Variants in ABCC2 observed in about 807,000 individuals in gnomAD.
The protein encoded by ABCC2 is ATP-binding cassette sub-family C member 2.
Under a neutral mutation model 173.4 loss-of-function variants are expected in ABCC2, and 157 were observed. That is an observed-to-expected ratio of 0.91 (90% CI 0.80 to 1.03). The LOEUF (loss-of-function observed/expected upper bound fraction) is 1.03. Among genes scored for constraint, ABCC2 ranks in the 50% least tolerant of loss-of-function variants. The pLI is 0.00. For missense variants in ABCC2, 1,822 were observed against 1,852.3 expected, an observed-to-expected ratio of 0.98 and a Z score of 0.30; for synonymous variants, 657 against 693.5, an observed-to-expected ratio of 0.95 and a Z score of 0.83.
intron 16 of ABCC2, among the ~76,000 whole-genome samples, chr10:99,816,605 GCTT>G (rs2038419370): frequency 6.6e-6 from 1 of 152,126 alleles, no homozygotes; most frequent in Non-Finnish European, 1.5e-5. Flanking sequence ...TTATAATCTT[GCTT>G]CTTAAGATGT....
intron 13 of ABCC2, among the ~76,000 whole-genome samples, 172 bp from the exon 14 acceptor site, chr10:99,809,962 C>T (rs1261758134): frequency 6.6e-6 from 1 of 152,230 alleles, no homozygotes; most frequent in Admixed American, 6.5e-5. Context: ...TGAAATAGAG[C>T]ATCCACTTCC....
chr10:99,809,978 TC>T (rs767189772), intron 13 of ABCC2, among the ~76,000 whole-genome samples, 155 bp from the exon 14 acceptor site: 5 of 152,224 alleles, frequency 3.3e-5, no homozygotes, highest in Non-Finnish European at 7.3e-5. Flanking sequence ...CTTCCATCTG[TC>T]TATGGTGGGA....
Position 99,805,375 on chromosome 10 carries a change from C to T in ABCC2, c.1465-7C>T, listed in dbSNP as rs765417070. 9 of 1,613,270 alleles carry T rather than the reference C, an allele frequency of 5.6e-6. No individual in the cohort carries two copies. The highest frequency in any genetic ancestry group is 7.6e-6 in the Non-Finnish European group (9 of 1,179,492). ...ATATTGTTTTTCTTTTGCTTTTTTC[C>T]TGGCAGGTCAAAAATATGAAGAATA... On this transcript the variant is annotated splice_polypyrimidine_tract_variant and splice_region_variant and intron_variant, in intron 10 of 31. Transcript: ENST00000647814.
chr10:99,836,198 T>C lies in ABCC2; in HGVS notation c.3522T>C (p.Arg1174=). Residue 1174 remains arginine, a synonymous_variant, in exon 25 of 32, where the codon CGT becomes CGC. Transcript: ENST00000647814. ...SETVSGLPVI[R]AFEHQQRFLK... Reference sequence around the variant, plus strand: ...CCGTATCAGGTTTGCCAGTTATCCGTGCCTTTGAGCACCAGCAGCGATTTC... The same window carrying C: ...CCGTATCAGGTTTGCCAGTTATCCGCGCCTTTGAGCACCAGCAGCGATTTC... 6.2e-7 allele frequency: 1 copy of C among 1,614,228 alleles called. No individual in the cohort carries two copies. Among genetic ancestry groups the C allele is most frequent in the Non-Finnish European group, 8.5e-7 (1 of 1,180,040 alleles).
In ABCC2 at chr10:99,831,817, G is replaced by A; in HGVS notation, c.3090G>A (p.Leu1030=). ...TGAGAGTTGGAGTCTACGGAGCTCTGGGATTAGCCCAAGGTATGTCTGATG... is the reference window on the plus strand; with the variant it reads ...TGAGAGTTGGAGTCTACGGAGCTCTAGGATTAGCCCAAGGTATGTCTGATG... ...RDMRVGVYGA[L]GLAQGIFVFI... is the part of the protein sequence containing the mutation. The change falls in exon 22 of 32, where the codon CTG becomes CTA. Residue 1030 remains leucine, a synonymous_variant. Transcript: ENST00000647814. The A allele has an allele frequency of 6.2e-7, 1 of 1,614,140 alleles. No individual in the cohort carries two copies. The highest frequency in any genetic ancestry group is 1.1e-5 in the South Asian group (1 of 91,080).
intron 25 of ABCC2, among the ~76,000 whole-genome samples, chr10:99,836,707 C>T (rs2038829564): frequency 6.6e-6 from 1 of 152,138 alleles, no homozygotes; most frequent in African/African-American, 2.4e-5. Flanking sequence ...TCTCCATAGT[C>T]ATGACACTCT....
At chr10:99,814,735 ATG>A (rs1491312894) in intron 16 of ABCC2, among the ~76,000 whole-genome samples, 5 of 144,192 alleles carry the variant, frequency 3.5e-5, no homozygotes, top group Admixed American at 2.7e-4. Context: ...ATGTGTGTGT[ATG>A]TGTATATGTA....
chr10:99,800,252 CA>C, intron 8 of ABCC2, 133 bp from the exon 9 acceptor site: 1 of 988,274 alleles, frequency 1.0e-6, no homozygotes, highest in Admixed American at 1.7e-5. Flanking sequence ...TTAGGTCTTT[CA>C]AAGGCTTTGG....
chr10:99,804,340 C>T (rs1229276041), intron 10 of ABCC2, 67 bp downstream of exon 10: 2 of 1,602,336 alleles, frequency 1.2e-6, no homozygotes, highest in Admixed American at 3.3e-5. Context: ...TCTTACTCTA[C>T]TCTAATTCTT....
rs1322507504 is a variant in ABCC2 at position 99,843,825 on chromosome 10, G to A, written c.3768G>A (p.Val1256=). 1.9e-6 allele frequency: 3 copies of A among 1,614,070 alleles called. No homozygotes were observed. The highest frequency in any genetic ancestry group is 1.1e-5 in the South Asian group (1 of 91,092). Residue 1256 remains valine, a synonymous_variant, in exon 27 of 32, where the codon GTG becomes GTA. Coordinates refer to ENST00000647814, the MANE Select transcript of ABCC2 (RefSeq NM_000392.5). The part of the protein sequence containing the change: ...LNITQTLNWL[V]RMTSEIETNI... ...TCACACAAACCCTGAACTGGCTGGT[G>A]AGGATGACATCAGAAATAGAGACCA... is the stretch of plus-strand genomic sequence containing the variant.
chr10:99,816,290 GT>G (rs1368265032), intron 16 of ABCC2, among the ~76,000 whole-genome samples: 1 of 132,328 alleles, frequency 7.6e-6, no homozygotes, highest in Admixed American at 7.6e-5. Context: ...TTGTTTGTTT[GT>G]TTGTTTGTTT....
Position 99,830,858 on chromosome 10 carries a change from A to G in ABCC2, c.2883+7A>G, listed in dbSNP as rs759219469. On this transcript the variant is annotated splice_region_variant and intron_variant, in intron 21 of 31. Transcript: ENST00000647814. Reference sequence around the variant, plus strand: ...ATTCATAGAAACTGGAAAGGTGAACACCACACAGAAAAGTAGCATTTGAGG... The same window carrying G: ...ATTCATAGAAACTGGAAAGGTGAACGCCACACAGAAAAGTAGCATTTGAGG... 5 of 1,613,666 alleles carry G rather than the reference A, an allele frequency of 3.1e-6. No individual in the cohort carries two copies. The African/African-American group carries it at 4.0e-5, about 13-fold the overall frequency.
intron 25 of ABCC2, 75 bp from the exon 26 acceptor site, chr10:99,841,892 T>C: frequency 1.2e-6 from 2 of 1,609,652 alleles, no homozygotes; most frequent in Non-Finnish European, 1.7e-6. Context: ...GAGAATGTTC[T>C]GTGAACGCCA....
At chr10:99,827,689 C>G (rs2038668345) in intron 19 of ABCC2, among the ~76,000 whole-genome samples, 1 of 151,730 alleles carries the variant, frequency 6.6e-6, no homozygotes, top group African/African-American at 2.4e-5. Flanking sequence ...CAAAATTGTT[C>G]TATTATTTGA....
intron 28 of ABCC2, among the ~76,000 whole-genome samples, chr10:99,844,860 T>C (rs1209367771): frequency 6.6e-6 from 1 of 152,090 alleles, no homozygotes; most frequent in African/African-American, 2.4e-5. Context: ...CTCCTCCCAG[T>C]CTTCAAAGTC....
rs770251199 is a variant in ABCC2, at chr10:99,830,316, G to A, written c.2630G>A (p.Gly877Asp). ...TACTGTGTCTCCCTAGTCCATGATG[G>A]CAGTGAAGAAGAAGACGATGACTAT... ...GPEEEATVHDGSEEEDDDYGL... is the reference protein window; with the variant it reads ...GPEEEATVHDDSEEEDDDYGL... The change falls in exon 20 of 32, where the codon GGC becomes GAC. Residue 877 changes from glycine to aspartate, a missense_variant. Coordinates refer to ENST00000647814, the MANE Select transcript of ABCC2 (RefSeq NM_000392.5). 2 of 1,614,144 alleles carry A rather than the reference G, an allele frequency of 1.2e-6. No homozygotes were observed. The highest frequency in any genetic ancestry group is 2.2e-5 in the South Asian group (2 of 91,086).
At position 99,850,715 on chromosome 10, in the gene ABCC2, AGAC is replaced by A; in HGVS notation, c.4431_4433del (p.Thr1478del). ...GATCTAGAGACAGACAACCTCATTCAGACGACCATCCAAAACGAGTTCGCCCAC... is the reference window on the plus strand; with the variant it reads ...GATCTAGAGACAGACAACCTCATTCAGACCATCCAAAACGAGTTCGCCCAC... On this transcript the variant is annotated inframe_deletion, in exon 31 of 32. Coordinates refer to ENST00000647814, the MANE Select transcript of ABCC2 (RefSeq NM_000392.5). The A allele has an allele frequency of 1.2e-6, 2 of 1,614,206 alleles. No individual in the cohort carries two copies. Among genetic ancestry groups the A allele is most frequent in the Non-Finnish European group, 1.7e-6 (2 of 1,180,020 alleles).
chr10:99,818,899 A>G lies in ABCC2; in HGVS notation c.2381A>G (p.His794Arg). The change falls in exon 18 of 32, where the codon CAT (histidine) becomes CGT (arginine). Residue 794 changes from histidine (H) to arginine (R), a missense_variant. Physicochemically the swap from His to Arg is conservative, Grantham distance 29 (BLOSUM62 0). Transcript: ENST00000647814. ...LDDPLSAVDA[H>R]VGKHIFNKVL... ...GACCCCCTGTCTGCAGTGGATGCTC[A>G]TGTAGGAAAACATATTTTTAATAAG... The G allele has an allele frequency of 6.2e-7, 1 of 1,613,514 alleles. No homozygotes were observed. The highest frequency in any genetic ancestry group is 1.3e-5 in the African/African-American group (1 of 74,996).
chr10:99,800,493 G>A lies in ABCC2; in HGVS notation c.1139G>A (p.Cys380Tyr), dbSNP rs766106628. 1 of 1,614,176 alleles carries A rather than the reference G, an allele frequency of 6.2e-7. No homozygotes were observed. The highest frequency in any genetic ancestry group is 1.3e-5 in the African/African-American group (1 of 75,040). ...AALIQSFCLQ[C>Y]YFQLCFKLGV... ...CTCATTCAGTCTTTCTGCCTTCAGT[G>A]TTATTTCCAACTGTGCTTCAAGCTG... Residue 380 changes from cysteine (C) to tyrosine (Y), a missense_variant, in exon 9 of 32, where the codon TGT becomes TAT. Transcript: ENST00000647814.
Sources: gnomAD v4.1 joint callset for allele counts (sites outside exome capture counted in the v4.1 genomes callset) on GRCh38, gnomAD v4.1.1 for gene constraint, MANE v1.5 for transcripts, NCBI Gene and HGNC (gene_info 2026-07-23, HGNC 2026-07-21) for gene names.